NPTN: variants seen among roughly 807,000 people sequenced by gnomAD.
NPTN encodes neuroplastin, also known as SDR-1.
NPTN carries 5 observed loss-of-function variants against 42.7 expected under a neutral mutation model. That is an observed-to-expected ratio of 0.12 (90% CI 0.06 to 0.25). The LOEUF is 0.25. Ranked by LOEUF, NPTN falls within the 10% of genes least tolerant of loss-of-function variation. The pLI is 1.00. For missense variants in NPTN, 307 were observed against 525.4 expected (o/e 0.58, Z 4.06); for synonymous variants, 180 against 201.9 (o/e 0.89, Z 0.92).
chr15:73,622,913 C>T (rs7182124), intron 1 of NPTN, among the ~76,000 whole-genome samples: 57,156 of 151,954 alleles, frequency 0.38, 11,860 homozygotes, highest in Admixed American at 0.46. Context: ...TCTGACAACC[C>T]TACACTCTTC....
chr15:73,578,971 C>G (rs1209952940), intron 4 of NPTN, among the ~76,000 whole-genome samples: 3 of 132,064 alleles, frequency 2.3e-5, no homozygotes, highest in Admixed American at 1.7e-4. Context: ...CCAGCCTGGG[C>G]GACAGAGTAA....
chr15:73,578,204 G>C (rs908561957), intron 4 of NPTN, among the ~76,000 whole-genome samples: 2 of 152,116 alleles, frequency 1.3e-5, no homozygotes, highest in Non-Finnish European at 2.9e-5. Flanking sequence ...CAGTTACAGT[G>C]AGTCAGCCGG....
At chr15:73,580,509 T>A (rs1056203495) in intron 4 of NPTN, among the ~76,000 whole-genome samples, 8 of 130,886 alleles carry the variant, frequency 6.1e-5, no homozygotes, top group South Asian at 2.2e-4. Context: ...ATATATATAT[T>A]ATATATAATA....
rs1894609819 is a variant in NPTN, at chr15:73,560,683, A to G, written c.*380T>C. On this transcript the variant is annotated 3_prime_UTR_variant, in exon 9 of 9. Coordinates refer to ENST00000345330, the MANE Select transcript of NPTN (RefSeq NM_012428.4). ...TCTGTAGGTTTTGCTGTACTTTACA[A>G]AAGTGTATCACTAGATGGCAGCAGT... is the stretch of plus-strand genomic sequence containing the variant. 6.6e-6 allele frequency: 1 copy of G among 151,352 alleles called. No homozygotes were observed. The highest frequency in any genetic ancestry group is 1.5e-5 in the Non-Finnish European group (1 of 67,882). The allele number at this position is 151,352 out of a possible 1,614,324, so 9.4% of individuals were successfully genotyped here.
At position 73,604,684 on chromosome 15, in the gene NPTN, T is replaced by C. The variant is rs529933829; in HGVS notation, c.92-7315A>G. Among the ~76,000 whole-genome samples, 5 of 152,298 alleles carry C rather than the reference T, an allele frequency of 3.3e-5. No individual in the cohort carries two copies. In the South Asian group the frequency reaches 8.3e-4, roughly 25 times the overall value. The stretch of plus-strand genomic sequence containing the variant: ...TTTCTTCAACCTCAGTTTCCTCATC[T>C]GAAAAATGGGGACAATGATTCCTAT... On this transcript the variant is annotated intron_variant, in intron 1 of 8. Coordinates refer to ENST00000345330, the MANE Select transcript of NPTN (RefSeq NM_012428.4).
chr15:73,566,358 T>C (rs1021768472), intron 6 of NPTN, among the ~76,000 whole-genome samples: 1 of 152,174 alleles, frequency 6.6e-6, no homozygotes, highest in African/African-American at 2.4e-5. Flanking sequence ...CCACTAAAAA[T>C]GGCCCCCCAA....
At chr15:73,615,027 C>CAGTT (rs934955719) in intron 1 of NPTN, among the ~76,000 whole-genome samples, 1 of 152,058 alleles carries the variant, frequency 6.6e-6, no homozygotes, top group Non-Finnish European at 1.5e-5. Context: ...TTTTACTTTA[C>CAGTT]AGTTAGGTTT....
intron 3 of NPTN, among the ~76,000 whole-genome samples, chr15:73,589,371 A>G (rs1445819878): frequency 2.0e-5 from 3 of 152,128 alleles, no homozygotes; most frequent in Non-Finnish European, 4.4e-5. Context: ...ATATATGGCC[A>G]GAACAGCACT....
At position 73,574,528 on chromosome 15, in the gene NPTN, C is replaced by T. The variant is rs1048385033; in HGVS notation, c.707-733G>A. On this transcript the variant is annotated intron_variant, in intron 4 of 8. Coordinates refer to ENST00000345330, the MANE Select transcript of NPTN (RefSeq NM_012428.4). ...CTCAAGCTCCTGGGCTTAAGTGATCCTCAGCTCCCGAGTAACTAGAACTAC... is the reference window on the plus strand; with the variant it reads ...CTCAAGCTCCTGGGCTTAAGTGATCTTCAGCTCCCGAGTAACTAGAACTAC... 2.0e-5 allele frequency among the ~76,000 whole-genome samples: 3 copies of T among 152,130 alleles called. No homozygotes were observed. In the South Asian group the frequency reaches 6.2e-4, roughly 31 times the overall value.
intron 4 of NPTN, among the ~76,000 whole-genome samples, chr15:73,584,563 G>A (rs1274519428): frequency 6.6e-6 from 1 of 152,018 alleles, no homozygotes; most frequent in Non-Finnish European, 1.5e-5. Flanking sequence ...GGACAGAGAT[G>A]CCCTCCTCAG....
chr15:73,563,453 A>G (rs909926913), intron 6 of NPTN, 196 bp from the exon 7 acceptor site: 2 of 1,395,170 alleles, frequency 1.4e-6, no homozygotes, highest in Non-Finnish European at 1.9e-6. Flanking sequence ...TCAAGTTTAA[A>G]TGGCAGGTAT....
At chr15:73,620,050 AG>A (rs2141467794) in intron 1 of NPTN, among the ~76,000 whole-genome samples, 1 of 152,358 alleles carries the variant, frequency 6.6e-6, no homozygotes, top group African/African-American at 2.4e-5. Flanking sequence ...CTAATCTCTC[AG>A]GCTCCAAAAT....
intron 1 of NPTN, among the ~76,000 whole-genome samples, chr15:73,615,436 T>C (rs1897817250): frequency 6.6e-6 from 1 of 152,132 alleles, no homozygotes. Context: ...TTCTACACAG[T>C]ACAGAGGAAT....
chr15:73,577,406 C>CA (rs974370688), intron 4 of NPTN, among the ~76,000 whole-genome samples: 15 of 152,158 alleles, frequency 9.9e-5, no homozygotes, highest in Admixed American at 7.2e-4. Context: ...ACCGTCTTTG[C>CA]AAAATTATGA....
At chr15:73,609,626 G>A (rs1315211762) in intron 1 of NPTN, among the ~76,000 whole-genome samples, 1 of 151,932 alleles carries the variant, frequency 6.6e-6, no homozygotes, top group East Asian at 1.9e-4. Flanking sequence ...GCGAAACTCC[G>A]TCCCTGAAAA....
chr15:73,616,728 A>AG (rs1489781652), intron 1 of NPTN, among the ~76,000 whole-genome samples: 1 of 152,170 alleles, frequency 6.6e-6, no homozygotes, highest in African/African-American at 2.4e-5. Context: ...GTAGAGAGTC[A>AG]GGTTATACTA....
At chr15:73,568,901 C>A in intron 6 of NPTN, 1 of 985,528 alleles carries the variant, frequency 1.0e-6, no homozygotes, top group Non-Finnish European at 1.2e-6. Flanking sequence ...GGGGAAGGGG[C>A]TGTTGCTCTC....
At chr15:73,577,686 C>T (rs1895770794) in intron 4 of NPTN, among the ~76,000 whole-genome samples, 1 of 152,154 alleles carries the variant, frequency 6.6e-6, no homozygotes, top group African/African-American at 2.4e-5. Context: ...CCCTAAACTG[C>T]TCCTAAGATC....
intron 1 of NPTN, among the ~76,000 whole-genome samples, chr15:73,605,961 C>A (rs1365793060): frequency 1.3e-5 from 2 of 151,876 alleles, no homozygotes; most frequent in Non-Finnish European, 2.9e-5. Context: ...ACTTGGGAGG[C>A]TGACGCACAA....
Sources: gnomAD v4.1 joint callset for allele counts (sites outside exome capture counted in the v4.1 genomes callset) on GRCh38, gnomAD v4.1.1 for gene constraint, MANE v1.5 for transcripts, NCBI Gene and HGNC (gene_info 2026-07-23, HGNC 2026-07-21) for gene names.